SMC5: variants seen among roughly 807,000 people sequenced by gnomAD.
SMC5 encodes structural maintenance of chromosomes 5, also known as structural maintenance of chromosomes protein 5.
Under a neutral mutation model 148.3 loss-of-function variants are expected in SMC5, and 88 were observed. The ratio of observed to expected loss-of-function variants is 0.59; its 90% CI spans 0.50 to 0.71. SMC5 has a LOEUF of 0.71. SMC5 is among the 30% of genes least tolerant of loss of function. The probability of loss-of-function intolerance (pLI) is 0.00; values close to 1 mark genes in which losing one functional copy is unlikely to be tolerated. For missense variants in SMC5, 1,142 were observed against 1,298.9 expected, an observed-to-expected ratio of 0.88 and a Z score of 1.86; for synonymous variants, 421 against 432.8, an observed-to-expected ratio of 0.97 and a Z score of 0.34.
intron 13 of SMC5, among the ~76,000 whole-genome samples, chr9:70,317,075 T>G (rs1169617525): frequency 6.6e-6 from 1 of 152,064 alleles, no homozygotes; most frequent in East Asian, 1.9e-4. Flanking sequence ...AAAACCCAAG[T>G]TAGAAAGTAT....
chr9:70,333,749 A>G (rs567740222), intron 17 of SMC5, among the ~76,000 whole-genome samples: 1 of 152,260 alleles, frequency 6.6e-6, no homozygotes, highest in African/African-American at 2.4e-5. Context: ...AAAGGAAAAA[A>G]ATACTAGGGA....
At position 70,300,125 on chromosome 9, in the gene SMC5, G is replaced by A. The variant is rs563142457; in HGVS notation, c.1389G>A (p.Thr463=). The stretch of plus-strand genomic sequence containing the variant: ...AGCTAAGACAGAGATTCCGTGACAC[G>A]TATGATGCTGTTTTATGGCTAAGAA... ...EDKLRQRFRD[T]YDAVLWLRNN... Residue 463 remains threonine (T), a synonymous_variant, in exon 10 of 25, where the codon ACG becomes ACA. Coordinates refer to ENST00000361138, the MANE Select transcript of SMC5 (RefSeq NM_015110.4). 1.6e-5 allele frequency: 26 copies of A among 1,603,002 alleles called. No homozygotes were observed. The African/African-American group carries it at 2.0e-4, about 12-fold the overall frequency.
At chr9:70,303,846 A>G (rs1212853986) in intron 10 of SMC5, among the ~76,000 whole-genome samples, 1 of 152,140 alleles carries the variant, frequency 6.6e-6, no homozygotes, top group South Asian at 2.1e-4. Flanking sequence ...CCCCTTTATT[A>G]TTTTTTCAAG....
intron 1 of SMC5, among the ~76,000 whole-genome samples, chr9:70,261,880 A>T (rs1404993647): frequency 6.6e-6 from 1 of 152,226 alleles, no homozygotes; most frequent in Non-Finnish European, 1.5e-5. Flanking sequence ...ATCACCTGCT[A>T]CATTGAAGTC....
intron 17 of SMC5, among the ~76,000 whole-genome samples, chr9:70,334,723 G>A (rs1002792820): frequency 6.6e-6 from 1 of 151,986 alleles, no homozygotes; most frequent in Non-Finnish European, 1.5e-5. Context: ...GACCCCTGAT[G>A]GATGCTATAA....
chr9:70,282,523 A>G lies in SMC5; in HGVS notation c.921A>G (p.Thr307=), dbSNP rs1341738023. 1 of 1,600,312 alleles carries G rather than the reference A, an allele frequency of 6.2e-7. No individual in the cohort carries two copies. The highest frequency in any genetic ancestry group is 8.5e-7 in the Non-Finnish European group (1 of 1,175,270). Reference sequence around the variant, plus strand: ...TTAAAGAAGGGCAGATTCCTGTAACATGTCGAATTGAAGAAATGGAAAACG... The same window carrying G: ...TTAAAGAAGGGCAGATTCCTGTAACGTGTCGAATTGAAGAAATGGAAAACG... The part of the protein sequence containing the change: ...RKLKEGQIPV[T]CRIEEMENER... The change falls in exon 7 of 25, where the codon ACA becomes ACG. Residue 307 remains threonine (T), a synonymous_variant. Transcript: ENST00000361138.
intron 18 of SMC5, 101 bp downstream of exon 18, chr9:70,344,370 C>T (rs181321290): frequency 5.9e-6 from 5 of 852,442 alleles, no homozygotes; most frequent in East Asian, 3.9e-5. Flanking sequence ...CATGATGTGT[C>T]GTAAAAAATA....
rs772302541 is a variant in SMC5 at position 70,267,952 on chromosome 9, T to C, written c.357T>C (p.Ser119=). The C allele has an allele frequency of 1.9e-6, 3 of 1,613,314 alleles. No homozygotes were observed. The highest frequency in any genetic ancestry group is 1.1e-5 in the South Asian group (1 of 90,820). ...GGTTTTTTGTGAAGAGAGGATGTTC[T>C]AGAGGCATGGTTGAAATTGAATTGT... ...KVGFFVKRGC[S]RGMVEIELFR... The change falls in exon 3 of 25, where the codon TCT becomes TCC. Residue 119 remains serine, a synonymous_variant. Transcript: ENST00000361138.
At chr9:70,301,774 G>C (rs975869740) in intron 10 of SMC5, among the ~76,000 whole-genome samples, 5 of 151,978 alleles carry the variant, frequency 3.3e-5, no homozygotes, top group Admixed American at 1.3e-4. Context: ...TGTTTCTGTA[G>C]GTCTCTTTTT....
chr9:70,323,789 A>C (rs1385638471), intron 16 of SMC5, among the ~76,000 whole-genome samples, 183 bp downstream of exon 16: 1 of 152,184 alleles, frequency 6.6e-6, no homozygotes, highest in Non-Finnish European at 1.5e-5. Flanking sequence ...AGAGGTAATA[A>C]ATAGGATAAA....
chr9:70,347,158 T>G lies in SMC5; in HGVS notation c.2661T>G (p.Pro887=). ...CTTCCTGCTTCACGGGACTGAATCC[T>G]ACAGTATGCCTGTTTCTCTATTCCC... is the stretch of plus-strand genomic sequence containing the variant. The part of the protein sequence containing the change: ...SRASCFTGLN[P]TIVQEYTKRE... Residue 887 remains proline (P), a synonymous_variant, in exon 20 of 25, where the codon CCT becomes CCG. Transcript: ENST00000361138. 1 of 1,613,148 alleles carries G rather than the reference T, an allele frequency of 6.2e-7. No individual in the cohort carries two copies. The highest frequency in any genetic ancestry group is 8.5e-7 in the Non-Finnish European group (1 of 1,179,308).
chr9:70,312,004 TC>T (rs1454744995), intron 11 of SMC5: 1 of 150,564 alleles, frequency 6.6e-6, no homozygotes. Context: ...ACACCTGTAA[TC>T]CCAGCTATGC....
intron 8 of SMC5, among the ~76,000 whole-genome samples, chr9:70,297,344 A>G (rs1296520341): frequency 6.6e-6 from 1 of 152,130 alleles, no homozygotes; most frequent in Non-Finnish European, 1.5e-5. Context: ...ATCATTCCTG[A>G]CTCTCTATTT....
intron 17 of SMC5, among the ~76,000 whole-genome samples, chr9:70,325,224 T>C (rs1400423156): frequency 6.6e-6 from 1 of 152,216 alleles, no homozygotes; most frequent in Non-Finnish European, 1.5e-5. Context: ...AGGAGTGATC[T>C]AAGGGGCTCA....
chr9:70,316,172 C>T (rs184171328), intron 13 of SMC5, among the ~76,000 whole-genome samples: 8 of 151,974 alleles, frequency 5.3e-5, no homozygotes, highest in South Asian at 2.1e-4. Context: ...GACTCCAAAC[C>T]GTATGCACTT....
intron 17 of SMC5, among the ~76,000 whole-genome samples, chr9:70,341,757 G>T (rs1161865460): frequency 6.6e-6 from 1 of 152,164 alleles, no homozygotes; most frequent in Non-Finnish European, 1.5e-5. Context: ...TGGAGAGGAT[G>T]TGGAGAAATA....
intron 7 of SMC5, among the ~76,000 whole-genome samples, chr9:70,284,114 TG>T (rs1337908756): frequency 6.6e-6 from 1 of 152,232 alleles, no homozygotes; most frequent in Non-Finnish European, 1.5e-5. Context: ...AAGTAAACTT[TG>T]TAACAGAGGA....
In SMC5 at chr9:70,315,568, G is replaced by T; in HGVS notation, c.1796G>T (p.Arg599Ile). 1.3e-6 allele frequency: 2 copies of T among 1,578,238 alleles called. No individual in the cohort carries two copies. Among genetic ancestry groups the T allele is most frequent in the Non-Finnish European group, 1.7e-6 (2 of 1,161,440 alleles). ...VPVGTEKTRE[R>I]IERVIQETRL... ...GTAGGAACTGAAAAGACCAGAGAAA[G>T]AATTGAACGGGTAGGAAAGTAGTGA... Residue 599 changes from arginine (R) to isoleucine (I), a missense_variant, in exon 13 of 25, where the codon AGA (arginine) becomes ATA (isoleucine). Coordinates refer to ENST00000361138, the MANE Select transcript of SMC5 (RefSeq NM_015110.4).
chr9:70,328,322 T>C (rs1203576462), intron 17 of SMC5, among the ~76,000 whole-genome samples: 1 of 152,146 alleles, frequency 6.6e-6, no homozygotes, highest in East Asian at 1.9e-4. Context: ...TTTCCACCTA[T>C]GAACCTGTAA....
Sources: gnomAD v4.1 joint callset for allele counts (sites outside exome capture counted in the v4.1 genomes callset) on GRCh38, gnomAD v4.1.1 for gene constraint, MANE v1.5 for transcripts, NCBI Gene and HGNC (gene_info 2026-07-23, HGNC 2026-07-21) for gene names.